KDM3A: variants seen among roughly 807,000 people sequenced by gnomAD.
KDM3A encodes lysine-specific demethylase 3A.
Under a neutral mutation model 158.0 loss-of-function variants are expected in KDM3A, and 60 were observed. The ratio of observed to expected loss-of-function variants is 0.38; its 90% CI spans 0.31 to 0.47. The LOEUF is 0.47. KDM3A is among the 20% of genes least tolerant of loss of function. KDM3A has a pLI of 0.99. For synonymous variants in KDM3A, 608 were observed against 549.3 expected (o/e 1.11, Z -1.49); for missense variants, 1,319 against 1,574.3 (o/e 0.84, Z 2.74).
At chr2:86,475,830 T>C (rs556133670) in intron 12 of KDM3A, among the ~76,000 whole-genome samples, 1 of 152,318 alleles carries the variant, frequency 6.6e-6, no homozygotes, top group Admixed American at 6.5e-5. Flanking sequence ...AATACAAGCA[T>C]CCATGCCAGT....
At chr2:86,488,322 A>AT (rs900174577) in intron 21 of KDM3A, 3 of 152,238 alleles carry the variant, frequency 2.0e-5, no homozygotes, top group African/African-American at 7.2e-5. Flanking sequence ...ACCCAGTTAT[A>AT]TAACAGCTTT....
intron 12 of KDM3A, among the ~76,000 whole-genome samples, chr2:86,475,896 A>T (rs1350098899): frequency 6.6e-6 from 1 of 152,228 alleles, no homozygotes; most frequent in Non-Finnish European, 1.5e-5. Context: ...GCACAAAAAT[A>T]ACTTATTGAA....
intron 20 of KDM3A, 88 bp from the exon 21 acceptor site, chr2:86,485,641 T>C: frequency 6.7e-7 from 1 of 1,492,704 alleles, no homozygotes; most frequent in South Asian, 1.2e-5. Flanking sequence ...GATTTGTTCC[T>C]TTTGGTGTAG....
intron 16 of KDM3A, among the ~76,000 whole-genome samples, chr2:86,481,496 T>C (rs1374217301): frequency 6.6e-6 from 1 of 150,484 alleles, no homozygotes; most frequent in Non-Finnish European, 1.5e-5. Flanking sequence ...TGTTTGGTTT[T>C]GTTTTTTTTT....
In KDM3A at chr2:86,456,441, G is replaced by A; in HGVS notation, c.557-1G>A. 1 of 1,318,682 alleles carries A rather than the reference G, an allele frequency of 7.6e-7. No homozygotes were observed. Among genetic ancestry groups the A allele is most frequent in the Non-Finnish European group, 1.0e-6 (1 of 994,846 alleles). The allele number at this position is 1,318,682 out of a possible 1,614,324, so 81.7% of individuals were successfully genotyped here. A position where few individuals can be genotyped will look rare whatever the true frequency, so the allele number is the denominator to read the frequency against. On this transcript the variant is annotated splice_acceptor_variant, in intron 5 of 25. Coordinates refer to ENST00000312912, the MANE Select transcript of KDM3A (RefSeq NM_018433.6). LOFTEE classifies it high-confidence loss of function. ...ATTTTTTTTTTTTTTTTTTTTTTAA[G>A]GTGACAAAAACTTAGTTGGTTCAGA...
At chr2:86,441,925 G>C in intron 1 of KDM3A, 93 bp from the exon 2 acceptor site, 1 of 1,020,886 alleles carries the variant, frequency 9.8e-7, no homozygotes. Flanking sequence ...TCCTCGCGCG[G>C]GTTCGGCGCC....
upstream of KDM3A, among the ~76,000 whole-genome samples, chr2:86,437,896 G>C (rs1682516597): frequency 6.6e-6 from 1 of 151,900 alleles, no homozygotes; most frequent in Admixed American, 6.6e-5. Flanking sequence ...CTAATAATTT[G>C]TCACTGATGC....
At chr2:86,491,339 A>G in intron 25 of KDM3A, 64 bp downstream of exon 25, 1 of 1,536,214 alleles carries the variant, frequency 6.5e-7, no homozygotes, top group Non-Finnish European at 9.0e-7. Context: ...CCCATTCTTC[A>G]CCTTATAAAG....
rs761844908 is a variant in KDM3A at position 86,466,894 on chromosome 2, C to G, written c.1519+11C>G. On this transcript the variant is annotated intron_variant, in intron 10 of 25. Transcript: ENST00000312912. ...ATAAAATCCAGAATGGTGAGTGTTT[C>G]TCAATATCTTTATTGGTAGAAGGTA... 3.2e-6 allele frequency: 5 copies of G among 1,569,310 alleles called. No homozygotes were observed. The East Asian group carries it at 1.1e-4, about 35-fold the overall frequency.
chr2:86,438,808 T>C (rs1267214135), upstream of KDM3A, among the ~76,000 whole-genome samples: 1 of 152,102 alleles, frequency 6.6e-6, no homozygotes, highest in African/African-American at 2.4e-5. Flanking sequence ...GTTGTTTTTG[T>C]ATGTGTATTT....
At position 86,479,921 on chromosome 2, in the gene KDM3A, G is replaced by C. The variant is rs1334928877; in HGVS notation, c.2317-246G>C. On this transcript the variant is annotated intron_variant, in intron 15 of 25. Coordinates refer to ENST00000312912, the MANE Select transcript of KDM3A (RefSeq NM_018433.6). ...GAGTAATAGGGATATGTACCAGCAGGGGCTGGTGAAAGGGTGCGGGGGGTA... is the reference window on the plus strand; with the variant it reads ...GAGTAATAGGGATATGTACCAGCAGCGGCTGGTGAAAGGGTGCGGGGGGTA... 2.1e-5 allele frequency: 11 copies of C among 513,406 alleles called. No homozygotes were observed. In the East Asian group the frequency reaches 3.5e-4, roughly 16 times the overall value. 31.8% of individuals were successfully genotyped at this position (513,406 alleles called of 1,614,324 possible). A position where few individuals can be genotyped will look rare whatever the true frequency, so the allele number is the denominator to read the frequency against.
chr2:86,456,603 C>G, intron 6 of KDM3A, 37 bp downstream of exon 6: 1 of 1,578,490 alleles, frequency 6.3e-7, no homozygotes, highest in Non-Finnish European at 8.6e-7. Flanking sequence ...GATAACTCGA[C>G]AAAGCATGAT....
chr2:86,477,065 G>A (rs923604743), intron 12 of KDM3A, among the ~76,000 whole-genome samples: 2 of 152,148 alleles, frequency 1.3e-5, no homozygotes, highest in African/African-American at 2.4e-5. Flanking sequence ...TTGGTTCCCT[G>A]ATTTGGCACT....
At chr2:86,477,516 T>C (rs1333038333) in intron 12 of KDM3A, among the ~76,000 whole-genome samples, 1 of 152,180 alleles carries the variant, frequency 6.6e-6, no homozygotes, top group Non-Finnish European at 1.5e-5. Flanking sequence ...GACTCATGAC[T>C]CAGAGGTTAA....
In KDM3A at chr2:86,471,014, G is replaced by A. The variant is rs138028333; in HGVS notation, c.1724+606G>A. Among the ~76,000 whole-genome samples, 126 of 152,214 alleles carry A rather than the reference G, an allele frequency of 8.3e-4. 1 individual carries two copies. Among genetic ancestry groups the A allele is most frequent in the East Asian group, 1.5e-3 (8 of 5,182 alleles). ...TGCTTTGGGAGGATTACTAGAAGTG[G>A]CATTTCTGGGTCAGAAGGTGTGTGT... On this transcript the variant is annotated intron_variant, in intron 11 of 25. Transcript: ENST00000312912.
At chr2:86,448,096 G>C (rs555883186) in intron 2 of KDM3A, among the ~76,000 whole-genome samples, 3 of 152,220 alleles carry the variant, frequency 2.0e-5, no homozygotes, top group Non-Finnish European at 2.9e-5. Flanking sequence ...GCCTTGCCAC[G>C]TGGGTGTTCA....
intron 11 of KDM3A, among the ~76,000 whole-genome samples, chr2:86,472,023 A>G (rs561208468): frequency 1.3e-5 from 2 of 152,238 alleles, no homozygotes; most frequent in Admixed American, 6.5e-5. Context: ...GTTTCTATTC[A>G]CTTGATTTCA....
chr2:86,467,719 T>G (rs879410323), intron 10 of KDM3A, among the ~76,000 whole-genome samples: 5 of 152,180 alleles, frequency 3.3e-5, no homozygotes, highest in African/African-American at 7.2e-5. Context: ...GAAATTGATA[T>G]GGATTTTGTT....
In KDM3A at chr2:86,489,565, T is replaced by C; in HGVS notation, c.3479T>C (p.Ile1160Thr). 2 of 1,614,034 alleles carry C rather than the reference T, an allele frequency of 1.2e-6. No homozygotes were observed. The highest frequency in any genetic ancestry group is 1.7e-6 in the Non-Finnish European group (2 of 1,179,980). The change falls in exon 23 of 26, where the codon ATA becomes ACA. Residue 1160 changes from isoleucine to threonine, a missense_variant. By Grantham distance (89) the Ile-to-Thr change is moderately conservative (BLOSUM62 -1). Around this residue, in one of 4 missense-constraint regions of KDM3A, gnomAD observed 186 missense variants for 340.9 expected, o/e 0.55. Transcript: ENST00000312912. ...GATGGAGATTCTGACGAACTCACAA[T>C]AAAGCGATTTATTGAAGGAAAAGAG... ...IQDGDSDELT[I>T]KRFIEGKEKP...
Sources: allele counts gnomAD v4.1 joint callset (sites outside exome capture counted in the v4.1 genomes callset), GRCh38; gene constraint gnomAD v4.1.1; regional missense constraint gnomAD v4.1.1; transcripts MANE v1.5; gene names NCBI Gene and HGNC (gene_info 2026-07-23, HGNC 2026-07-21).